The following TRPC4AP variants were observed in gnomAD, a reference collection of about 807,000 sequenced individuals.
TRPC4AP encodes the protein short transient receptor potential channel 4-associated protein.
A neutral mutation model predicts 99.0 loss-of-function variants in TRPC4AP; 45 were observed. That is an observed-to-expected ratio of 0.45 (90% CI 0.36 to 0.58). The LOEUF (loss-of-function observed/expected upper bound fraction) is 0.58. TRPC4AP is among the 20% of genes least tolerant of loss of function. The pLI is 0.00. For missense variants in TRPC4AP, 879 were observed against 985.3 expected (o/e 0.89, Z 1.44); for synonymous variants, 408 against 385.8 (o/e 1.06, Z -0.67).
intron 3 of TRPC4AP, 71 bp downstream of exon 3, chr20:35,069,225 C>T (rs906741573): frequency 1.2e-5 from 10 of 847,350 alleles, no homozygotes; most frequent in East Asian, 1.0e-4. Context: ...TCCTATCTCC[C>T]ATTTCAAAAG....
chr20:35,087,378 T>G (rs979892004), intron 1 of TRPC4AP, among the ~76,000 whole-genome samples: 5 of 147,522 alleles, frequency 3.4e-5, no homozygotes, highest in African/African-American at 1.3e-4. Flanking sequence ...AGAAAAAATA[T>G]AAAGTAAGGA....
At position 35,003,422 on chromosome 20, in the gene TRPC4AP, G is replaced by A. The variant is rs1337366467; in HGVS notation, c.2244C>T (p.Thr748=). 6.2e-7 allele frequency: 1 copy of A among 1,614,010 alleles called. No homozygotes were observed. Among genetic ancestry groups the A allele is most frequent in the Non-Finnish European group, 8.5e-7 (1 of 1,180,032 alleles). ...QHYLHKDKDS[T]CLENSSCISF... The stretch of plus-strand genomic sequence containing the variant: ...GTGGGGCACTCACGTTCTCTAGGCA[G>A]GTGCTGTCCTTGTCCTTGTGCAGGT... The change falls in exon 18 of 19, where the codon ACC becomes ACT. Residue 748 remains threonine, a synonymous_variant. Coordinates refer to ENST00000252015, the MANE Select transcript of TRPC4AP (RefSeq NM_015638.3).
At chr20:35,090,624 T>C (rs2085032458) in intron 1 of TRPC4AP, among the ~76,000 whole-genome samples, 1 of 152,164 alleles carries the variant, frequency 6.6e-6, no homozygotes, top group African/African-American at 2.4e-5. Context: ...TCCACCCGCC[T>C]CGACCTCCCA....
At chr20:35,058,298 C>T (rs949507396) in intron 3 of TRPC4AP, among the ~76,000 whole-genome samples, 1 of 152,196 alleles carries the variant, frequency 6.6e-6, no homozygotes, top group African/African-American at 2.4e-5. Flanking sequence ...ACACAACGAA[C>T]ACATATATTC....
At chr20:35,037,624 A>G (rs2083350993) in intron 7 of TRPC4AP, among the ~76,000 whole-genome samples, 1 of 152,244 alleles carries the variant, frequency 6.6e-6, no homozygotes. Context: ...AATGAACCAC[A>G]AAAACATTAT....
chr20:35,052,204 A>G (rs1400292388), intron 5 of TRPC4AP, among the ~76,000 whole-genome samples: 1 of 150,938 alleles, frequency 6.6e-6, no homozygotes, highest in Non-Finnish European at 1.5e-5. Context: ...GGCTCAAGCA[A>G]TCCTCCCACC....
At chr20:35,074,787 C>T (rs929069508) in intron 2 of TRPC4AP, among the ~76,000 whole-genome samples, 17 of 152,138 alleles carry the variant, frequency 1.1e-4, no homozygotes, top group Admixed American at 3.3e-4. Flanking sequence ...CTATTAGGTC[C>T]GCTTGGTGCA....
chr20:35,092,561 G>T (rs1403521407), intron 1 of TRPC4AP, 53 bp downstream of exon 1: 1 of 511,178 alleles, frequency 2.0e-6, no homozygotes, highest in Non-Finnish European at 2.9e-6. Flanking sequence ...CCGGCCCCCC[G>T]CCAGCTCCCG....
intron 15 of TRPC4AP, among the ~76,000 whole-genome samples, 183 bp from the exon 16 acceptor site, chr20:35,005,986 C>T (rs4911168): frequency 6.6e-6 from 1 of 151,982 alleles, no homozygotes; most frequent in Non-Finnish European, 1.5e-5. Context: ...AAGAGGCACT[C>T]CCCGGAATTC....
At chr20:35,039,310 C>A (rs2083396804) in intron 7 of TRPC4AP, among the ~76,000 whole-genome samples, 1 of 152,162 alleles carries the variant, frequency 6.6e-6, no homozygotes, top group African/African-American at 2.4e-5. Flanking sequence ...AGTCTGACTT[C>A]CCACCTGAGA....
intron 3 of TRPC4AP, among the ~76,000 whole-genome samples, chr20:35,064,070 T>C (rs761854676): frequency 5.3e-5 from 8 of 152,206 alleles, no homozygotes; most frequent in Admixed American, 2.0e-4. Context: ...ATTAGGACCT[T>C]TGTTTTCCAA....
rs375019387 is a variant in TRPC4AP at position 35,021,404 on chromosome 20, C to T, written c.1052-48G>A. On this transcript the variant is annotated intron_variant, in intron 8 of 18. Coordinates refer to ENST00000252015, the MANE Select transcript of TRPC4AP (RefSeq NM_015638.3). The stretch of plus-strand genomic sequence containing the variant: ...GATTGAGTCACAGCTTGTGAGGAAA[C>T]ACGTTTCTGCCCCTCGAACCTGCTC... 5.0e-6 allele frequency: 8 copies of T among 1,595,510 alleles called. No individual in the cohort carries two copies. In the African/African-American group the frequency reaches 1.1e-4, roughly 21 times the overall value.
intron 14 of TRPC4AP, 122 bp downstream of exon 14, chr20:35,007,428 G>A (rs775534821): frequency 6.0e-6 from 6 of 1,008,352 alleles, no homozygotes; most frequent in Non-Finnish European, 8.8e-6. Flanking sequence ...GCCTGCACAG[G>A]CATTTGGAAG....
chr20:35,082,606 C>T (rs940907329), intron 1 of TRPC4AP, among the ~76,000 whole-genome samples: 1 of 152,058 alleles, frequency 6.6e-6, no homozygotes, highest in African/African-American at 2.4e-5. Context: ...CAAAACCTGT[C>T]AAAAGGAAAA....
Position 35,085,972 on chromosome 20 carries a change from G to A in TRPC4AP, c.168+6642C>T, listed in dbSNP as rs372734717. The stretch of plus-strand genomic sequence containing the variant: ...CTCAAAATACCACACTAAATGCAAG[G>A]GTCTCGCGCAATCTCACTGCAACCT... On this transcript the variant is annotated intron_variant, in intron 1 of 18. Coordinates refer to ENST00000252015, the MANE Select transcript of TRPC4AP (RefSeq NM_015638.3). Among the ~76,000 whole-genome samples, 64 of 152,066 alleles carry A rather than the reference G, an allele frequency of 4.2e-4. 1 individual carries two copies. The highest frequency in any genetic ancestry group is 1.9e-3 in the South Asian group (9 of 4,808).
At position 35,069,365 on chromosome 20, in the gene TRPC4AP, T is replaced by C; in HGVS notation, c.345A>G (p.Glu115=). The change falls in exon 3 of 19, where the codon GAA becomes GAG. Residue 115 remains glutamate (E), a synonymous_variant. Coordinates refer to ENST00000252015, the MANE Select transcript of TRPC4AP (RefSeq NM_015638.3). The part of the protein sequence containing the change: ...LSMEAMAFVT[E]ERKLTQETTY... ...TGGTTTCTTGGGTAAGTTTCCTCTCTTCAGTAACAAATGCCATAGCCTCCA... is the reference window on the plus strand; with the variant it reads ...TGGTTTCTTGGGTAAGTTTCCTCTCCTCAGTAACAAATGCCATAGCCTCCA... 1 of 1,613,002 alleles carries C rather than the reference T, an allele frequency of 6.2e-7. No individual in the cohort carries two copies. Among genetic ancestry groups the C allele is most frequent in the Non-Finnish European group, 8.5e-7 (1 of 1,179,114 alleles).
chr20:35,050,180 TCTC>T (rs769033049), intron 5 of TRPC4AP, among the ~76,000 whole-genome samples, 186 bp from the exon 6 acceptor site: 1 of 152,054 alleles, frequency 6.6e-6, no homozygotes. Context: ...AAGAAAAAAG[TCTC>T]CTGACGTGCA....
At chr20:35,006,760 A>T in intron 14 of TRPC4AP, among the ~76,000 whole-genome samples, 185 bp from the exon 15 acceptor site, 1 of 152,224 alleles carries the variant, frequency 6.6e-6, no homozygotes, top group East Asian at 1.9e-4. Context: ...AGACCTCACC[A>T]GGAGGTGGAG....
At chr20:35,008,781 G>A in intron 12 of TRPC4AP, 34 bp from the exon 13 acceptor site, 3 of 1,597,418 alleles carry the variant, frequency 1.9e-6, no homozygotes, top group South Asian at 2.2e-5. Context: ...TGACAGATCT[G>A]AGAGGCTGAC....
Sources: gnomAD v4.1 joint callset for allele counts (sites outside exome capture counted in the v4.1 genomes callset) on GRCh38, gnomAD v4.1.1 for gene constraint, MANE v1.5 for transcripts, NCBI Gene and HGNC (gene_info 2026-07-23, HGNC 2026-07-21) for gene names.